The following PDE11A variants were observed in gnomAD, a reference collection of about 807,000 sequenced individuals.
The protein encoded by PDE11A is dual 3',5'-cyclic-AMP and -GMP phosphodiesterase 11A.
PDE11A carries 100 observed loss-of-function variants against 100.5 expected under a neutral mutation model. The ratio of observed to expected loss-of-function variants is 1.00; its 90% confidence interval spans 0.85 to 1.18. The LOEUF is 1.18. Among genes scored for constraint, PDE11A ranks in the 50% most tolerant of loss-of-function variants. The pLI is 0.00. For missense variants in PDE11A, 1,141 were observed against 1,152.6 expected, an observed-to-expected ratio of 0.99 and a Z score of 0.15; for synonymous variants, 381 against 420.8, an observed-to-expected ratio of 0.91 and a Z score of 1.16.
intron 6 of PDE11A, among the ~76,000 whole-genome samples, chr2:177,836,229 G>A (rs2083395056): frequency 6.6e-6 from 1 of 151,894 alleles, no homozygotes; most frequent in South Asian, 2.1e-4. Flanking sequence ...GTTTGTAAAT[G>A]CACCAATCAG....
At chr2:177,830,562 C>A (rs1461550200) in intron 6 of PDE11A, among the ~76,000 whole-genome samples, 1 of 151,162 alleles carries the variant, frequency 6.6e-6, no homozygotes, top group African/African-American at 2.4e-5. Context: ...GAATGAGCCA[C>A]TGCACTCCAG....
At chr2:177,773,782 G>C (rs1225446603) in intron 9 of PDE11A, among the ~76,000 whole-genome samples, 2 of 152,144 alleles carry the variant, frequency 1.3e-5, no homozygotes, top group Non-Finnish European at 2.9e-5. Context: ...TTGGTGAGCA[G>C]GGAGGAATCA....
intron 17 of PDE11A, among the ~76,000 whole-genome samples, chr2:177,669,894 T>A (rs1038192055): frequency 6.6e-5 from 10 of 152,188 alleles, no homozygotes; most frequent in Non-Finnish European, 1.0e-4. Context: ...GTGAAGCAAA[T>A]ATTCATTTAA....
chr2:177,757,606 T>A (rs886192473), intron 10 of PDE11A, among the ~76,000 whole-genome samples: 1 of 152,234 alleles, frequency 6.6e-6, no homozygotes, highest in African/African-American at 2.4e-5. Context: ...AAGCCTCTTA[T>A]CCCTGGATAG....
chr2:178,046,197 T>C (rs757320836), intron 1 of PDE11A, among the ~76,000 whole-genome samples: 6 of 152,234 alleles, frequency 3.9e-5, no homozygotes, highest in Non-Finnish European at 8.8e-5. Context: ...TGGCTATTAC[T>C]ATTAATTTTT....
intron 2 of PDE11A, among the ~76,000 whole-genome samples, chr2:177,941,410 C>T (rs896043207): frequency 8.5e-5 from 13 of 152,262 alleles, no homozygotes; most frequent in Admixed American, 3.9e-4. Context: ...TTTCCTGATG[C>T]AAGTGTTTGT....
At chr2:177,969,387 AC>A (rs1282924978) in intron 2 of PDE11A, among the ~76,000 whole-genome samples, 1 of 152,190 alleles carries the variant, frequency 6.6e-6, no homozygotes, top group Non-Finnish European at 1.5e-5. Flanking sequence ...TACCTATGTA[AC>A]AAACCTGCAC....
At chr2:177,785,606 A>G (rs2082522302) in intron 9 of PDE11A, among the ~76,000 whole-genome samples, 1 of 152,248 alleles carries the variant, frequency 6.6e-6, no homozygotes, top group Admixed American at 6.5e-5. Context: ...GGGAAGCACA[A>G]GGGGTCAGGG....
chr2:178,067,951 T>C (rs2087070165), intron 1 of PDE11A, among the ~76,000 whole-genome samples: 1 of 152,172 alleles, frequency 6.6e-6, no homozygotes, highest in African/African-American at 2.4e-5. Context: ...TAACAAAACA[T>C]CCTGCTGCTT....
chr2:178,076,703 A>C (rs1347527206), upstream of PDE11A, among the ~76,000 whole-genome samples: 1 of 152,240 alleles, frequency 6.6e-6, no homozygotes, highest in Non-Finnish European at 1.5e-5. Flanking sequence ...ATGTAAAGGG[A>C]GGCTGAAAAC....
chr2:178,105,497 G>A (rs2087607622), intron 1 of PDE11A: 3 of 225,108 alleles, frequency 1.3e-5, no homozygotes, highest in Non-Finnish European at 2.6e-5. Flanking sequence ...ACTGTATGAT[G>A]GTAGACATAT....
chr2:178,054,311 T>C (rs557143381), intron 1 of PDE11A, among the ~76,000 whole-genome samples: 29 of 152,220 alleles, frequency 1.9e-4, no homozygotes, highest in Non-Finnish European at 2.9e-4. Flanking sequence ...AAAGCTGAAA[T>C]TGGATCCCTT....
chr2:178,028,789 C>T (rs1372883658), intron 1 of PDE11A, among the ~76,000 whole-genome samples: 2 of 152,194 alleles, frequency 1.3e-5, no homozygotes, highest in Admixed American at 6.5e-5. Context: ...GATATATCGG[C>T]TAGCATTTAC....
chr2:177,873,314 A>G (rs945857322), intron 5 of PDE11A, among the ~76,000 whole-genome samples: 2 of 152,212 alleles, frequency 1.3e-5, no homozygotes, highest in Non-Finnish European at 1.5e-5. Flanking sequence ...AGCTAAAGAT[A>G]TCAGCATGAA....
At chr2:177,892,825 C>G (rs1286265709) in intron 4 of PDE11A, among the ~76,000 whole-genome samples, 2 of 152,236 alleles carry the variant, frequency 1.3e-5, no homozygotes, top group Non-Finnish European at 2.9e-5. Context: ...CTTCCTCATC[C>G]TGACAGCCAG....
intron 6 of PDE11A, among the ~76,000 whole-genome samples, chr2:177,833,619 C>A (rs2083344690): frequency 6.6e-6 from 1 of 152,166 alleles, no homozygotes; most frequent in African/African-American, 2.4e-5. Flanking sequence ...TAAAAAATAT[C>A]CAATATTTCT....
intron 15 of PDE11A, chr2:177,688,406 T>G (rs1440359450): frequency 6.6e-6 from 1 of 152,246 alleles, no homozygotes; most frequent in Non-Finnish European, 1.5e-5. Context: ...TGTTAGCATC[T>G]AAATGTACAT....
chr2:177,988,392 A>C (rs765841227), intron 2 of PDE11A, among the ~76,000 whole-genome samples: 10 of 152,206 alleles, frequency 6.6e-5, no homozygotes, highest in Admixed American at 6.5e-4. Flanking sequence ...TTAATATTCT[A>C]AGACACTGTA....
chr2:177,912,579 A>T (rs1192151357), intron 2 of PDE11A, among the ~76,000 whole-genome samples: 3 of 152,142 alleles, frequency 2.0e-5, no homozygotes, highest in Non-Finnish European at 2.9e-5. Context: ...GTCTGGGGGC[A>T]GTTTTTAATT....
Sources: allele counts gnomAD v4.1 joint callset (sites outside exome capture counted in the v4.1 genomes callset), GRCh38; gene constraint gnomAD v4.1.1; transcripts MANE v1.5; gene names NCBI Gene and HGNC (gene_info 2026-07-23, HGNC 2026-07-21).